Variants in SLC35F1 observed in about 807,000 individuals in gnomAD.
The protein encoded by SLC35F1 is chromosome 6 open reading frame 169.
SLC35F1 carries 14 observed loss-of-function variants against 48.7 expected under a neutral mutation model. The observed-to-expected ratio is 0.29, with a 90% CI of 0.19 to 0.45. SLC35F1 has a LOEUF of 0.45. Among genes scored for constraint, SLC35F1 ranks in the 20% least tolerant of loss-of-function variants. The pLI is 1.00. For missense variants in SLC35F1, 404 were observed against 500.0 expected (o/e 0.81, Z 1.83); for synonymous variants, 190 against 202.2 (o/e 0.94, Z 0.51).
intron 3 of SLC35F1, among the ~76,000 whole-genome samples, chr6:118,257,695 T>C (rs1775663935): frequency 6.6e-6 from 1 of 152,218 alleles, no homozygotes; most frequent in African/African-American, 2.4e-5. Flanking sequence ...GAACATGTAG[T>C]ATTTTAGACA....
chr6:117,982,172 T>C (rs973691402), intron 1 of SLC35F1, among the ~76,000 whole-genome samples: 7 of 152,246 alleles, frequency 4.6e-5, no homozygotes, highest in Non-Finnish European at 8.8e-5. Flanking sequence ...TTAGCCTTTC[T>C]TTATTTCTTT....
intron 1 of SLC35F1, among the ~76,000 whole-genome samples, chr6:118,054,675 T>G (rs986982298): frequency 1.3e-5 from 2 of 152,224 alleles, no homozygotes; most frequent in Non-Finnish European, 2.9e-5. Flanking sequence ...CCCTCTTCAG[T>G]TAGAACCGAT....
chr6:118,003,478 G>A lies in SLC35F1; in HGVS notation c.173+95579G>A, dbSNP rs552638172. Reference sequence around the variant, plus strand: ...ATGGGTCACATCAATGATGCATGGTGAGCTAGGTAGGTTGTCCTTATTGAG... The same window carrying A: ...ATGGGTCACATCAATGATGCATGGTAAGCTAGGTAGGTTGTCCTTATTGAG... On this transcript the variant is annotated intron_variant, in intron 1 of 7. Transcript: ENST00000360388. Among the ~76,000 whole-genome samples, 4 of 152,322 alleles carry A rather than the reference G, an allele frequency of 2.6e-5. No homozygotes were observed. In the South Asian group the frequency reaches 8.3e-4, roughly 32 times the overall value.
intron 7 of SLC35F1, among the ~76,000 whole-genome samples, chr6:118,311,673 T>C (rs283051): frequency 0.7 from 105,863 of 151,980 alleles, 37,518 homozygotes; most frequent in Middle Eastern, 0.8. Flanking sequence ...CGCCTGTAGT[T>C]CCAGCTACTT....
intron 3 of SLC35F1, among the ~76,000 whole-genome samples, chr6:118,259,062 G>A (rs546636955): frequency 4.0e-4 from 60 of 151,492 alleles, no homozygotes; most frequent in African/African-American, 1.4e-3. Context: ...CAACAAATAC[G>A]ATAAAGGTCT....
intron 1 of SLC35F1, among the ~76,000 whole-genome samples, chr6:118,099,646 T>G (rs7450453): frequency 6.6e-6 from 1 of 151,908 alleles, no homozygotes; most frequent in Non-Finnish European, 1.5e-5. Flanking sequence ...CTGAAGGGAG[T>G]AACCCCAAGG....
At chr6:118,059,125 C>T (rs1772501901) in intron 1 of SLC35F1, among the ~76,000 whole-genome samples, 1 of 152,190 alleles carries the variant, frequency 6.6e-6, no homozygotes, top group African/African-American at 2.4e-5. Flanking sequence ...CTTGTATTCA[C>T]TGCAACAGAA....
At chr6:118,002,969 G>T (rs979734114) in intron 1 of SLC35F1, among the ~76,000 whole-genome samples, 7 of 152,088 alleles carry the variant, frequency 4.6e-5, no homozygotes, top group Admixed American at 3.9e-4. Flanking sequence ...CCTCCCTGTG[G>T]CTATGAAGTC....
At chr6:117,971,311 C>T (rs528915789) in intron 1 of SLC35F1, among the ~76,000 whole-genome samples, 2 of 152,370 alleles carry the variant, frequency 1.3e-5, no homozygotes, top group Admixed American at 1.3e-4. Flanking sequence ...TTCCCATGGC[C>T]TTGGGCAGCT....
intron 1 of SLC35F1, among the ~76,000 whole-genome samples, chr6:118,113,410 A>G (rs1214045589): frequency 1.3e-5 from 2 of 152,066 alleles, no homozygotes; most frequent in African/African-American, 2.4e-5. Flanking sequence ...TGATGTGTCA[A>G]TGTAGGTTCA....
chr6:118,088,199 A>C (rs953482294), intron 1 of SLC35F1, among the ~76,000 whole-genome samples: 6 of 152,212 alleles, frequency 3.9e-5, no homozygotes, highest in African/African-American at 1.4e-4. Context: ...ACAAAGAACT[A>C]TTTATTCCTA....
At chr6:117,998,829 A>T in intron 1 of SLC35F1, 3 of 521,398 alleles carry the variant, frequency 5.8e-6, no homozygotes, top group Non-Finnish European at 6.9e-6. Flanking sequence ...AGCAGGAAAG[A>T]TCCAAAATTG....
intron 2 of SLC35F1, among the ~76,000 whole-genome samples, chr6:118,220,063 A>C (rs1410140617): frequency 2.0e-5 from 3 of 152,160 alleles, no homozygotes; most frequent in African/African-American, 4.8e-5. Context: ...GATATACCTA[A>C]TGTAAATGAC....
intron 1 of SLC35F1, among the ~76,000 whole-genome samples, chr6:117,920,656 T>A (rs544337762): frequency 1.8e-4 from 28 of 152,280 alleles, no homozygotes; most frequent in African/African-American, 6.7e-4. Flanking sequence ...CTTGAAGTTG[T>A]GTTTGCATAT....
intron 7 of SLC35F1, among the ~76,000 whole-genome samples, chr6:118,297,924 G>A (rs887552272): frequency 1.4e-4 from 22 of 151,806 alleles, no homozygotes; most frequent in Middle Eastern, 3.4e-3. Flanking sequence ...CGGATTCCTC[G>A]TGAATGGCTT....
At chr6:117,910,953 A>G (rs1191649136) in intron 1 of SLC35F1, among the ~76,000 whole-genome samples, 1 of 152,264 alleles carries the variant, frequency 6.6e-6, no homozygotes, top group Non-Finnish European at 1.5e-5. Flanking sequence ...CAAGAAGCTT[A>G]GAATGAAATA....
intron 1 of SLC35F1, among the ~76,000 whole-genome samples, chr6:118,128,350 A>T (rs1773659549): frequency 6.8e-6 from 1 of 146,712 alleles, no homozygotes; most frequent in African/African-American, 2.5e-5. Context: ...TGCTATAAAG[A>T]CACATGCACA....
At chr6:117,946,499 C>T (rs1017768666) in intron 1 of SLC35F1, among the ~76,000 whole-genome samples, 1 of 152,100 alleles carries the variant, frequency 6.6e-6, no homozygotes, top group African/African-American at 2.4e-5. Context: ...GACATTTAGT[C>T]CAGTGTTCTT....
chr6:118,296,561 A>G (rs1378362482), intron 7 of SLC35F1, among the ~76,000 whole-genome samples: 1 of 152,220 alleles, frequency 6.6e-6, no homozygotes, highest in Non-Finnish European at 1.5e-5. Flanking sequence ...GGATTAGAGA[A>G]GTTGGGAATA....
Sources: allele counts gnomAD v4.1 joint callset (sites outside exome capture counted in the v4.1 genomes callset), GRCh38; gene constraint gnomAD v4.1.1; transcripts MANE v1.5; gene names NCBI Gene and HGNC (gene_info 2026-07-23, HGNC 2026-07-21).